The following SAMD12 variants were observed in gnomAD, a reference collection of about 807,000 sequenced individuals.
The protein encoded by SAMD12 is sterile alpha motif domain containing 12.
A neutral mutation model predicts 15.0 loss-of-function variants in SAMD12; 9 were observed. The ratio of observed to expected loss-of-function variants is 0.60; its 90% confidence interval spans 0.36 to 1.05. The LOEUF (loss-of-function observed/expected upper bound fraction) is 1.05. Among genes scored for constraint, SAMD12 ranks in the 50% least tolerant of loss-of-function variants. The pLI, the probability that SAMD12 is intolerant of heterozygous loss-of-function variation, is 0.01. For synonymous variants in SAMD12, 86 were observed against 90.1 expected, an observed-to-expected ratio of 0.96 and a Z score of 0.25; for missense variants, 230 against 234.2, an observed-to-expected ratio of 0.98 and a Z score of 0.12.
the SAMD12 span, among the ~76,000 whole-genome samples, chr8:118,140,002 A>T: frequency 6.6e-6 from 1 of 152,186 alleles, no homozygotes; most frequent in Non-Finnish European, 1.5e-5. Flanking sequence ...CCCAGCTGAA[A>T]TCACAGGGAG....
chr8:118,343,354 T>C lies in SAMD12; in HGVS notation c.433+36206A>G, dbSNP rs535790091. On this transcript the variant is annotated intron_variant, in intron 4 of 4. Transcript: ENST00000409003. ...ATCTGGTGGAAAAAATAATAAAAGGTAGTTTTGGAGGGGGGGAATCGTTTT... is the reference window on the plus strand; with the variant it reads ...ATCTGGTGGAAAAAATAATAAAAGGCAGTTTTGGAGGGGGGGAATCGTTTT... Among the ~76,000 whole-genome samples the C allele has an allele frequency of 1.7e-4, 25 of 149,792 alleles. No homozygotes were observed. The South Asian group carries it at 5.1e-3, about 31-fold the overall frequency.
At chr8:118,283,487 C>T (rs571682707) in intron 4 of SAMD12, among the ~76,000 whole-genome samples, 1 of 152,330 alleles carries the variant, frequency 6.6e-6, no homozygotes, top group African/African-American at 2.4e-5. Flanking sequence ...TAATCCATCA[C>T]AGCATTCTTC....
chr8:118,352,914 G>A (rs922483122), intron 4 of SAMD12, among the ~76,000 whole-genome samples: 3 of 151,812 alleles, frequency 2.0e-5, no homozygotes, highest in Non-Finnish European at 4.4e-5. Context: ...TAGCCCTGCA[G>A]GTATATCAAA....
rs1826202969 is a variant in SAMD12, at chr8:118,548,477, T to C, written c.192+32238A>G. On this transcript the variant is annotated intron_variant, in intron 2 of 3. Coordinates refer to ENST00000314727, the MANE Select transcript of SAMD12 (RefSeq NM_207506.3). ...AACTTGGTTAAGTTATGGTGTCTAG[T>C]TGTTTGGTCAAATGTGTCTAGATGT... Among the ~76,000 whole-genome samples the C allele has an allele frequency of 7.3e-5, 11 of 151,684 alleles. 1 individual carries two copies. The highest frequency in any genetic ancestry group is 5.9e-4 in the Admixed American group (9 of 15,248).
At chr8:118,515,081 T>A (rs1233009566) in intron 2 of SAMD12, among the ~76,000 whole-genome samples, 1 of 151,984 alleles carries the variant, frequency 6.6e-6, no homozygotes, top group Non-Finnish European at 1.5e-5. Flanking sequence ...TGCGGTGGCG[T>A]GATCTCGGCT....
At chr8:118,451,061 A>G (rs759937234) in intron 2 of SAMD12, among the ~76,000 whole-genome samples, 3 of 152,162 alleles carry the variant, frequency 2.0e-5, no homozygotes, top group Non-Finnish European at 4.4e-5. Context: ...TTTTCCTGAC[A>G]ACCTGCAAAG....
At chr8:118,466,479 C>T (rs1823597267) in intron 2 of SAMD12, among the ~76,000 whole-genome samples, 1 of 152,164 alleles carries the variant, frequency 6.6e-6, no homozygotes, top group Non-Finnish European at 1.5e-5. Flanking sequence ...CTGTTTAGGG[C>T]TTTTATTCAC....
At chr8:118,435,262 CAG>C (rs1343860602) in intron 3 of SAMD12, among the ~76,000 whole-genome samples, 1 of 152,114 alleles carries the variant, frequency 6.6e-6, no homozygotes, top group Non-Finnish European at 1.5e-5. Context: ...TTTCAAGAGA[CAG>C]AGATATTTAC....
chr8:118,585,125 T>G (rs1827404095), intron 1 of SAMD12, among the ~76,000 whole-genome samples: 1 of 152,220 alleles, frequency 6.6e-6, no homozygotes, highest in Non-Finnish European at 1.5e-5. Flanking sequence ...ATAAAAGGAA[T>G]GGCATTCTCA....
chr8:118,359,376 T>C (rs955954706), intron 4 of SAMD12, among the ~76,000 whole-genome samples: 12 of 152,166 alleles, frequency 7.9e-5, no homozygotes, highest in Non-Finnish European at 1.6e-4. Flanking sequence ...TCAATTTCTG[T>C]TGTTTAAGCC....
At chr8:118,621,574 C>T in intron 1 of SAMD12, 3 of 589,260 alleles carry the variant, frequency 5.1e-6, no homozygotes, top group Non-Finnish European at 9.1e-6. Context: ...TCCACACCTC[C>T]TACCTCAAAG....
intron 2 of SAMD12, among the ~76,000 whole-genome samples, chr8:118,466,340 A>G (rs916324508): frequency 6.6e-6 from 1 of 152,234 alleles, no homozygotes. Flanking sequence ...CACTATACTA[A>G]GACACTTACG....
chr8:118,223,348 G>C (rs1812121264), intron 4 of SAMD12, among the ~76,000 whole-genome samples: 1 of 152,120 alleles, frequency 6.6e-6, no homozygotes, highest in Admixed American at 6.5e-5. Flanking sequence ...GTCACACTAA[G>C]TCACTCCCAT....
intron 4 of SAMD12, among the ~76,000 whole-genome samples, chr8:118,278,167 A>C (rs1813516200): frequency 6.6e-6 from 1 of 152,216 alleles, no homozygotes; most frequent in Non-Finnish European, 1.5e-5. Context: ...AACACTCTTT[A>C]AACCTGTGAG....
intron 2 of SAMD12, among the ~76,000 whole-genome samples, chr8:118,482,420 AGT>A (rs1824152956): frequency 1.3e-5 from 2 of 152,158 alleles, no homozygotes; most frequent in African/African-American, 4.8e-5. Context: ...CCAGATCAGT[AGT>A]TTCTACACCT....
intron 2 of SAMD12, among the ~76,000 whole-genome samples, chr8:118,553,668 C>A (rs1336626671): frequency 2.0e-5 from 3 of 150,866 alleles, no homozygotes; most frequent in African/African-American, 7.4e-5. Flanking sequence ...CAACAAAAGC[C>A]AAAATTGACA....
intron 3 of SAMD12, among the ~76,000 whole-genome samples, chr8:118,427,619 C>A (rs377229785): frequency 2.7e-5 from 1 of 37,292 alleles, no homozygotes; most frequent in Non-Finnish European, 1.2e-4. Flanking sequence ...ATTGTGTGCA[C>A]AGTAGTAGGT....
intron 2 of SAMD12, among the ~76,000 whole-genome samples, chr8:118,461,579 C>G (rs1187765921): frequency 6.6e-6 from 1 of 152,028 alleles, no homozygotes; most frequent in African/African-American, 2.4e-5. Flanking sequence ...TACGTATGTA[C>G]ATACGTAAAA....
chr8:118,147,436 C>T, the SAMD12 span, among the ~76,000 whole-genome samples: 2 of 150,798 alleles, frequency 1.3e-5, no homozygotes, highest in African/African-American at 2.4e-5. Flanking sequence ...TCTTGGCTCA[C>T]TGCAACCTGC....
Sources: allele counts gnomAD v4.1 joint callset (sites outside exome capture counted in the v4.1 genomes callset), GRCh38; gene constraint gnomAD v4.1.1; transcripts MANE v1.5; gene names NCBI Gene and HGNC (gene_info 2026-07-23, HGNC 2026-07-21).